Variants in SDAD1 observed in about 807,000 individuals in gnomAD.
SDAD1 encodes the protein protein SDA1 homolog.
Under a neutral mutation model 100.3 loss-of-function variants are expected in SDAD1, and 79 were observed. The ratio of observed to expected loss-of-function variants is 0.79; its 90% CI spans 0.66 to 0.95. The LOEUF is 0.95. Ranked by LOEUF, SDAD1 falls within the 40% of genes least tolerant of loss-of-function variation. SDAD1 has a pLI of 0.00. For synonymous variants in SDAD1, 267 were observed against 271.4 expected (o/e 0.98, Z 0.16); for missense variants, 790 against 810.9 (o/e 0.97, Z 0.31).
At chr4:75,950,880 A>G (rs1414507871) in intron 21 of SDAD1, 83 bp from the exon 22 acceptor site, 4 of 850,094 alleles carry the variant, frequency 4.7e-6, no homozygotes, top group African/African-American at 3.4e-5. Flanking sequence ...TTTACTAAAA[A>G]GGAATCACCA....
chr4:75,959,108 A>C (rs1191101945), intron 17 of SDAD1, among the ~76,000 whole-genome samples: 18 of 143,080 alleles, frequency 1.3e-4, no homozygotes, highest in East Asian at 2.0e-4. Context: ...AAAAAAAAAA[A>C]AAAAAAAAAA....
At position 75,973,363 on chromosome 4, in the gene SDAD1, A is replaced by G. The variant is rs761026049; in HGVS notation, c.665T>C (p.Leu222Pro). The G allele has an allele frequency of 9.3e-6, 15 of 1,613,706 alleles. No homozygotes were observed. In the South Asian group the frequency reaches 1.4e-4, roughly 15 times the overall value. Residue 222 changes from leucine to proline, a missense_variant, in exon 8 of 22, where the codon CTT becomes CCT. By Grantham distance (98) the Leu-to-Pro change is moderately conservative. Coordinates refer to ENST00000356260, the MANE Select transcript of SDAD1 (RefSeq NM_018115.4). ...CTGTTTTTCATCTTCATCTTTCCCA[A>G]GAAAGAATGTCAAAGCGGCAACTAA... ...KILVAALTFFLGKDEDEKQDS... is the reference protein window; with the variant it reads ...KILVAALTFFPGKDEDEKQDS...
intron 11 of SDAD1, among the ~76,000 whole-genome samples, chr4:75,968,183 C>G (rs1269354180): frequency 6.6e-6 from 1 of 152,136 alleles, no homozygotes; most frequent in Non-Finnish European, 1.5e-5. Flanking sequence ...CTGTAGAGCT[C>G]AAACTCAGTC....
chr4:75,957,628 C>G lies in SDAD1; in HGVS notation c.1659G>C (p.Gln553His). 6.2e-7 allele frequency: 1 copy of G among 1,614,178 alleles called. No individual in the cohort carries two copies. The highest frequency in any genetic ancestry group is 8.5e-7 in the Non-Finnish European group (1 of 1,180,042). Residue 553 changes from glutamine (Q) to histidine (H), a missense_variant, in exon 19 of 22, where the codon CAG becomes CAC. Coordinates refer to ENST00000356260, the MANE Select transcript of SDAD1 (RefSeq NM_018115.4). ...CCATGCGGATTTTCTGGAAGTCTTCCTGAGTTAAAACTCGGCTAGTGCTGA... is the reference window on the plus strand; with the variant it reads ...CCATGCGGATTTTCTGGAAGTCTTCGTGAGTTAAAACTCGGCTAGTGCTGA... ...AAISTSRVLT[Q>H]EDFQKIRMAQ...
At chr4:75,959,243 G>C (rs961089936) in intron 17 of SDAD1, among the ~76,000 whole-genome samples, 4 of 151,086 alleles carry the variant, frequency 2.6e-5, no homozygotes, top group Non-Finnish European at 4.4e-5. Context: ...AAGCCCTCTA[G>C]AGCAGAAATA....
chr4:75,990,390 T>C (rs952740796), intron 1 of SDAD1, among the ~76,000 whole-genome samples: 8 of 152,098 alleles, frequency 5.3e-5, no homozygotes, highest in African/African-American at 1.7e-4. Context: ...TAATTCAAGT[T>C]TGGGATTTCT....
At chr4:75,969,845 C>A (rs1401713930) in intron 10 of SDAD1, among the ~76,000 whole-genome samples, 1 of 152,160 alleles carries the variant, frequency 6.6e-6, no homozygotes, top group African/African-American at 2.4e-5. Context: ...CCCATACCAA[C>A]TAAATTAGAT....
In SDAD1 at chr4:75,982,006, T is replaced by C; in HGVS notation, c.122A>G (p.Asn41Ser). The part of the protein sequence containing the change: ...FLQQYNHYKS[N>S]VEIFKLQPNK... ...TGGTTGCAATTTGAAAATCTCCACA[T>C]TGGATTTGTAGTGATTATACTGCTG... Residue 41 changes from asparagine to serine, a missense_variant, in exon 2 of 22, where the codon AAT (asparagine) becomes AGT (serine). Physicochemically the swap from Asn to Ser is conservative, Grantham distance 46. Transcript: ENST00000356260. 1 of 1,612,292 alleles carries C rather than the reference T, an allele frequency of 6.2e-7. No homozygotes were observed. Among genetic ancestry groups the C allele is most frequent in the South Asian group, 1.1e-5 (1 of 90,862 alleles).
rs186219174 is a variant in SDAD1, at chr4:75,957,811, A to G, written c.1578+36T>C. ...GGCCCAGAATAAATTACGTCTTAATAAACACCAGGTTATAAGATGAAATTT... is the reference window on the plus strand; with the variant it reads ...GGCCCAGAATAAATTACGTCTTAATGAACACCAGGTTATAAGATGAAATTT... On this transcript the variant is annotated intron_variant, in intron 18 of 21. Transcript: ENST00000356260. The G allele has an allele frequency of 5.3e-5, 85 of 1,612,684 alleles. No individual in the cohort carries two copies. In the East Asian group the frequency reaches 1.6e-3, roughly 31 times the overall value.
intron 1 of SDAD1, among the ~76,000 whole-genome samples, chr4:75,985,453 T>C (rs1334488576): frequency 6.6e-6 from 1 of 152,156 alleles, no homozygotes. Context: ...CAGATTAATA[T>C]CCTTTCTCCT....
intron 17 of SDAD1, 51 bp from the exon 18 acceptor site, chr4:75,957,992 C>A (rs972274149): frequency 2.1e-6 from 3 of 1,458,012 alleles, no homozygotes; most frequent in Non-Finnish European, 2.9e-6. Context: ...GCACATTCAA[C>A]ATAAAGTTGA....
chr4:75,987,701 C>T (rs1445674633), intron 1 of SDAD1, among the ~76,000 whole-genome samples: 1 of 152,078 alleles, frequency 6.6e-6, no homozygotes, highest in Admixed American at 6.5e-5. Flanking sequence ...GGGGTTTCAC[C>T]ATGTTGGTCA....
At chr4:75,960,275 T>G in intron 16 of SDAD1, 83 bp from the exon 17 acceptor site, 8 of 1,201,620 alleles carry the variant, frequency 6.7e-6, no homozygotes, top group Non-Finnish European at 9.1e-6. Flanking sequence ...AATTATGAAT[T>G]TATTTTATTT....
chr4:75,988,636 T>C (rs548257879), intron 1 of SDAD1, among the ~76,000 whole-genome samples: 8 of 152,330 alleles, frequency 5.3e-5, no homozygotes, highest in Non-Finnish European at 1.2e-4. Flanking sequence ...TTAATGAGCA[T>C]AGAATTTTTA....
chr4:75,951,287 T>G (rs1487547782), intron 21 of SDAD1, among the ~76,000 whole-genome samples: 3 of 152,340 alleles, frequency 2.0e-5, no homozygotes, highest in Middle Eastern at 6.8e-3. Flanking sequence ...AGCACTTGTG[T>G]AGATTTATGA....
chr4:75,961,221 G>T lies in SDAD1; in HGVS notation c.1269C>A (p.His423Gln). 1 of 1,613,724 alleles carries T rather than the reference G, an allele frequency of 6.2e-7. No homozygotes were observed. The highest frequency in any genetic ancestry group is 1.1e-5 in the South Asian group (1 of 91,066). Reference protein sequence around the residue: ...LLQDLAQYKTHKDKNVMMSAR... With the variant: ...LLQDLAQYKTQKDKNVMMSAR... ...TAACATGCAGCTTACTCTTATCCTT[G>T]TGTGTTTTATACTGAGCCAGGTCTT... The change falls in exon 15 of 22, where the codon CAC becomes CAA. Residue 423 changes from histidine to glutamine, a missense_variant. Coordinates refer to ENST00000356260, the MANE Select transcript of SDAD1 (RefSeq NM_018115.4).
intron 20 of SDAD1, 147 bp from the exon 21 acceptor site, chr4:75,956,283 C>A: frequency 2.6e-6 from 2 of 769,718 alleles, no homozygotes; most frequent in South Asian, 2.0e-5. Context: ...TCCTTGGGAC[C>A]AAGAAATGGC....
At chr4:75,988,548 C>CT (rs890685427) in intron 1 of SDAD1, among the ~76,000 whole-genome samples, 4 of 152,122 alleles carry the variant, frequency 2.6e-5, no homozygotes, top group Non-Finnish European at 5.9e-5. Context: ...TTCCTATTGT[C>CT]TTTTTTTCAC....
intron 9 of SDAD1, 122 bp downstream of exon 9, chr4:75,971,235 T>G: frequency 3.0e-6 from 2 of 656,720 alleles, no homozygotes; most frequent in Non-Finnish European, 5.2e-6. Context: ...TAAAAATTTA[T>G]CTAACATTTC....
Sources: allele counts gnomAD v4.1 joint callset (sites outside exome capture counted in the v4.1 genomes callset), GRCh38; gene constraint gnomAD v4.1.1; transcripts MANE v1.5; gene names NCBI Gene and HGNC (gene_info 2026-07-23, HGNC 2026-07-21).